The following RBPJ variants were observed in gnomAD, a reference collection of about 807,000 sequenced individuals.
RBPJ encodes the protein recombination signal binding protein for immunoglobulin kappa J region.
In RBPJ, 9 loss-of-function variants were observed where a neutral mutation model predicts 67.8. The observed-to-expected ratio is 0.13, with a 90% CI of 0.08 to 0.23. The LOEUF is 0.23. RBPJ is among the 10% of genes least tolerant of loss of function. RBPJ has a pLI of 1.00. For missense variants in RBPJ, 305 were observed against 595.6 expected (o/e 0.51, Z 5.08); for synonymous variants, 198 against 203.3 (o/e 0.97, Z 0.22).
chr4:26,316,324 CAT>C (rs1218930010), upstream of RBPJ, among the ~76,000 whole-genome samples: 3 of 146,104 alleles, frequency 2.1e-5, no homozygotes, highest in Non-Finnish European at 4.5e-5. Context: ...TATACATATT[CAT>C]ATATATACAT....
At chr4:26,319,997 G>A, upstream of RBPJ, 4 of 932,026 alleles carry the variant, frequency 4.3e-6, no homozygotes, top group Non-Finnish European at 1.6e-6. Context: ...CGCGATTCGG[G>A]CAGCCGGCAG....
chr4:26,207,026 C>G (rs546278678), intron 1 of RBPJ, among the ~76,000 whole-genome samples: 5 of 152,168 alleles, frequency 3.3e-5, no homozygotes, highest in Non-Finnish European at 7.3e-5. Flanking sequence ...TCAATTCCCC[C>G]TTTTCCAGGT....
At chr4:26,285,882 C>T (rs1460147517) in intron 1 of RBPJ, among the ~76,000 whole-genome samples, 2 of 152,100 alleles carry the variant, frequency 1.3e-5, no homozygotes, top group African/African-American at 2.4e-5. Flanking sequence ...AAATTACCCA[C>T]TGAGAGAGTA....
chr4:26,283,786 A>C (rs1196956196), intron 1 of RBPJ, among the ~76,000 whole-genome samples: 1 of 151,806 alleles, frequency 6.6e-6, no homozygotes, highest in Non-Finnish European at 1.5e-5. Context: ...AGCTAGGACT[A>C]CAGGCATGTG....
At chr4:26,279,741 G>A (rs1389640428) in intron 1 of RBPJ, among the ~76,000 whole-genome samples, 1 of 151,448 alleles carries the variant, frequency 6.6e-6, no homozygotes, top group Non-Finnish European at 1.5e-5. Context: ...CTCATTTCAG[G>A]CAGAGGGAGG....
At chr4:26,335,568 G>A (rs1724729277) in intron 1 of RBPJ, among the ~76,000 whole-genome samples, 1 of 150,326 alleles carries the variant, frequency 6.7e-6, no homozygotes, top group East Asian at 2.0e-4. Flanking sequence ...TCATCTCATA[G>A]ACTATTGTCA....
chr4:26,323,289 G>A (rs1343465606), intron 1 of RBPJ, among the ~76,000 whole-genome samples: 1 of 151,928 alleles, frequency 6.6e-6, no homozygotes, highest in Admixed American at 6.6e-5. Flanking sequence ...TCTCTGACTG[G>A]GAGCAAAGTG....
Position 26,223,796 on chromosome 4 carries a change from G to A in RBPJ, c.-167+60182G>A, listed in dbSNP as rs776381914. ...ATAGACCAAGGCCAGGAGAGAGTCCGGGCTGAGAAACTGTGATCTTCCACA... is the reference window on the plus strand; with the variant it reads ...ATAGACCAAGGCCAGGAGAGAGTCCAGGCTGAGAAACTGTGATCTTCCACA... On this transcript the variant is annotated intron_variant, in intron 1 of 4. Transcript: ENST00000512351. Among the ~76,000 whole-genome samples the A allele has an allele frequency of 1.8e-4, 28 of 152,272 alleles. 1 individual carries two copies. The highest frequency in any genetic ancestry group is 6.2e-4 in the South Asian group (3 of 4,824).
rs1174218554 is a variant in RBPJ at position 26,214,358 on chromosome 4, GAGGA to G, written c.-167+50757_-167+50760del. Among the ~76,000 whole-genome samples, 113 of 114,790 alleles carry G rather than the reference GAGGA, an allele frequency of 9.8e-4. 1 individual carries two copies. Among genetic ancestry groups the G allele is most frequent in the African/African-American group, 3.5e-3 (106 of 30,212 alleles). The allele number at this position is 114,790 out of a possible 152,430, so 75.3% of individuals were successfully genotyped here. ...AGAAAGAAAGAAAAGGAAGAGAAAG[GAGGA>G]AGGAAGGAAGGAGAGAGAAAGAAGG... On this transcript the variant is annotated intron_variant, in intron 1 of 4. Coordinates refer to the RBPJ transcript ENST00000512351.
chr4:26,185,275 C>G (rs561766298), intron 1 of RBPJ, among the ~76,000 whole-genome samples: 4 of 151,776 alleles, frequency 2.6e-5, no homozygotes. Context: ...GTATTTCTCA[C>G]CCTCTAAGTT....
chr4:26,390,649 T>G (rs1177264002), intron 2 of RBPJ, among the ~76,000 whole-genome samples: 1 of 152,206 alleles, frequency 6.6e-6, no homozygotes, highest in Non-Finnish European at 1.5e-5. Flanking sequence ...TATAAAAATA[T>G]ATATCAGGAA....
chr4:26,178,950 T>C (rs1716889504), intron 1 of RBPJ, among the ~76,000 whole-genome samples: 1 of 152,116 alleles, frequency 6.6e-6, no homozygotes, highest in Non-Finnish European at 1.5e-5. Context: ...GAAGCCAAGG[T>C]TCCTGTCTTG....
At chr4:26,123,460 G>A in the RBPJ span, among the ~76,000 whole-genome samples, 4 of 152,116 alleles carry the variant, frequency 2.6e-5, no homozygotes, top group Non-Finnish European at 5.9e-5. Flanking sequence ...ACTATATGCT[G>A]TAGACTTTAT....
chr4:26,215,204 GAGAA>G (rs1474021256), intron 1 of RBPJ, among the ~76,000 whole-genome samples: 1 of 31,642 alleles, frequency 3.2e-5, no homozygotes, highest in Non-Finnish European at 5.4e-5. Flanking sequence ...GAAAAAGAGA[GAGAA>G]AGAAAGAGAA....
At chr4:26,230,028 A>G (rs965751397) in intron 1 of RBPJ, among the ~76,000 whole-genome samples, 1 of 152,084 alleles carries the variant, frequency 6.6e-6, no homozygotes, top group African/African-American at 2.4e-5. Context: ...ACCTCTGCAA[A>G]AAAATACAAA....
intron 1 of RBPJ, among the ~76,000 whole-genome samples, chr4:26,293,435 G>A (rs912132236): frequency 6.7e-6 from 1 of 150,032 alleles, no homozygotes; most frequent in Admixed American, 6.6e-5. Flanking sequence ...GGAGTTCAAG[G>A]GCAGCCTGGG....
intron 5 of RBPJ, among the ~76,000 whole-genome samples, chr4:26,422,728 C>A (rs974944935): frequency 7.9e-5 from 12 of 152,084 alleles, no homozygotes; most frequent in Non-Finnish European, 1.5e-4. Context: ...AGAGTTGCAC[C>A]ATACAGTGAA....
At chr4:26,318,195 G>C (rs920128606), upstream of RBPJ, among the ~76,000 whole-genome samples, 2 of 151,948 alleles carry the variant, frequency 1.3e-5, no homozygotes, top group African/African-American at 2.4e-5. Flanking sequence ...TTTCCTATTA[G>C]AGAACTCACT....
At chr4:26,165,861 C>T (rs1716268919) in intron 1 of RBPJ, among the ~76,000 whole-genome samples, 1 of 120,430 alleles carries the variant, frequency 8.3e-6, no homozygotes, top group Non-Finnish European at 1.6e-5. Flanking sequence ...TGCTATCCCT[C>T]CCCCCTCCCC....
Sources: gnomAD v4.1 joint callset for allele counts (sites outside exome capture counted in the v4.1 genomes callset) on GRCh38, gnomAD v4.1.1 for gene constraint, MANE v1.5 for transcripts, NCBI Gene and HGNC (gene_info 2026-07-23, HGNC 2026-07-21) for gene names.